Variants in SCCPDH observed in about 807,000 individuals in gnomAD.
SCCPDH encodes saccharopine dehydrogenase (putative), also known as saccharopine dehydrogenase-like oxidoreductase.
In SCCPDH, 34 loss-of-function variants were observed where a neutral mutation model predicts 51.5. The ratio of observed to expected loss-of-function variants is 0.66; its 90% confidence interval spans 0.50 to 0.88. The LOEUF (loss-of-function observed/expected upper bound fraction) is 0.88. Ranked by LOEUF, SCCPDH falls within the 40% of genes least tolerant of loss-of-function variation. The probability of loss-of-function intolerance (pLI) is 0.00; values close to 1 mark genes in which losing one functional copy is unlikely to be tolerated. For missense variants in SCCPDH, 464 were observed against 527.1 expected (o/e 0.88, Z 1.17); for synonymous variants, 187 against 191.3 (o/e 0.98, Z 0.19).
chr1:246,767,666 C>T lies in SCCPDH; in HGVS notation c.*366C>T, dbSNP rs538161005. ...CATCGTTACTGTCGGGCAGTAACTGCCGCTTGCCTTGCCGCAGTAGGAGGG... is the reference window on the plus strand; with the variant it reads ...CATCGTTACTGTCGGGCAGTAACTGTCGCTTGCCTTGCCGCAGTAGGAGGG... On this transcript the variant is annotated 3_prime_UTR_variant, in exon 12 of 12. Transcript: ENST00000366510. The T allele has an allele frequency of 6.4e-6, 1 of 155,674 alleles. No homozygotes were observed. The highest frequency in any genetic ancestry group is 2.1e-4 in the South Asian group (1 of 4,874). 9.6% of individuals were successfully genotyped at this position (155,674 alleles called of 1,614,324 possible). A position where few individuals can be genotyped will look rare whatever the true frequency, so the allele number is the denominator to read the frequency against.
Position 246,764,250 on chromosome 1 carries a change from A to C in SCCPDH, c.995A>C (p.Asp332Ala). 1 of 1,610,014 alleles carries C rather than the reference A, an allele frequency of 6.2e-7. No individual in the cohort carries two copies. Among genetic ancestry groups the C allele is most frequent in the Non-Finnish European group, 8.5e-7 (1 of 1,176,640 alleles). Residue 332 changes from aspartate (D) to alanine (A), a missense_variant, in exon 10 of 12, where the codon GAT becomes GCT. Transcript: ENST00000366510. ...SKQGPTQKQI[D>A]AASFTLTFFG... ...CCTTTGCCTTCTCCTTCACAGATTG[A>C]TGCTGCCTCATTCACGCTGACATTC...
intron 3 of SCCPDH, among the ~76,000 whole-genome samples, chr1:246,736,919 A>G (rs1668600756): frequency 2.0e-5 from 3 of 152,278 alleles, no homozygotes; most frequent in Admixed American, 1.3e-4. Context: ...GAGGAAATTA[A>G]AGCTTAGGAA....
At chr1:246,763,738 T>TA (rs1330833398) in intron 9 of SCCPDH, among the ~76,000 whole-genome samples, 1 of 152,206 alleles carries the variant, frequency 6.6e-6, no homozygotes, top group Admixed American at 6.5e-5. Flanking sequence ...CCTTAGTTGA[T>TA]ACTTCATAAA....
intron 4 of SCCPDH, among the ~76,000 whole-genome samples, chr1:246,742,496 C>T (rs774024166): frequency 3.3e-5 from 5 of 152,172 alleles, no homozygotes; most frequent in Non-Finnish European, 5.9e-5. Context: ...TGTTCTTCTG[C>T]GGATCGGGTT....
intron 2 of SCCPDH, among the ~76,000 whole-genome samples, chr1:246,730,853 G>A (rs1668481216): frequency 6.6e-6 from 1 of 152,142 alleles, no homozygotes; most frequent in African/African-American, 2.4e-5. Flanking sequence ...GAGGTCGGGA[G>A]TTTGAGACCA....
intron 2 of SCCPDH, among the ~76,000 whole-genome samples, chr1:246,727,968 T>C (rs1353090047): frequency 6.6e-6 from 1 of 152,196 alleles, no homozygotes; most frequent in Admixed American, 6.5e-5. Flanking sequence ...GGAAGTTCTT[T>C]GGCTTCTGAG....
chr1:246,754,052 T>C (rs1572303574), intron 5 of SCCPDH, among the ~76,000 whole-genome samples: 1 of 152,098 alleles, frequency 6.6e-6, no homozygotes, highest in African/African-American at 2.4e-5. Context: ...GGGTCCTGGT[T>C]AGGCCCCATC....
At chr1:246,744,006 T>C in intron 4 of SCCPDH, 70 bp from the exon 5 acceptor site, 1 of 933,158 alleles carries the variant, frequency 1.1e-6, no homozygotes, top group Non-Finnish European at 1.7e-6. Context: ...ACGCATTGTT[T>C]ATTATTACTT....
chr1:246,734,454 A>G (rs1668539499), intron 2 of SCCPDH, among the ~76,000 whole-genome samples: 1 of 152,338 alleles, frequency 6.6e-6, no homozygotes, highest in South Asian at 2.1e-4. Flanking sequence ...CTTGGGTCTT[A>G]CTGCCTTGAA....
At chr1:246,734,529 G>T (rs1668540033) in intron 2 of SCCPDH, among the ~76,000 whole-genome samples, 1 of 152,150 alleles carries the variant, frequency 6.6e-6, no homozygotes, top group Non-Finnish European at 1.5e-5. Context: ...CATGTGGTTT[G>T]TTAATGGGAG....
intron 2 of SCCPDH, among the ~76,000 whole-genome samples, chr1:246,732,568 A>G (rs767450513): frequency 2.0e-5 from 3 of 152,090 alleles, no homozygotes; most frequent in Non-Finnish European, 4.4e-5. Flanking sequence ...TTATATTTTT[A>G]GTCGAGACAG....
At chr1:246,763,368 G>C (rs765934726) in intron 9 of SCCPDH, among the ~76,000 whole-genome samples, 8 of 152,198 alleles carry the variant, frequency 5.3e-5, no homozygotes, top group Non-Finnish European at 1.2e-4. Context: ...GATGGGACAG[G>C]TGTGGCATGT....
intron 9 of SCCPDH, among the ~76,000 whole-genome samples, chr1:246,762,737 A>G (rs1341037623): frequency 6.7e-6 from 1 of 150,370 alleles, no homozygotes; most frequent in African/African-American, 2.4e-5. Context: ...GCTACTCAGG[A>G]GGCTGAGGCA....
chr1:246,759,304 C>T (rs1203840066), intron 7 of SCCPDH, among the ~76,000 whole-genome samples, 153 bp downstream of exon 7: 4 of 152,100 alleles, frequency 2.6e-5, no homozygotes, highest in Non-Finnish European at 5.9e-5. Flanking sequence ...TAGGGTAGAA[C>T]ATTTTGTATT....
At position 246,724,543 on chromosome 1, in the gene SCCPDH, C is replaced by T. The variant is rs1466864810; in HGVS notation, c.121C>T (p.Pro41Ser). 6.5e-7 allele frequency: 1 copy of T among 1,549,230 alleles called. No homozygotes were observed. Among genetic ancestry groups the T allele is most frequent in the Admixed American group, 2.0e-5 (1 of 50,476 alleles). Residue 41 changes from proline to serine, a missense_variant, in exon 1 of 12, where the codon CCC becomes TCC. Transcript: ENST00000366510. Reference protein sequence around the residue: ...QVDPERSSRLPWAVAGRSREK... With the variant: ...QVDPERSSRLSWAVAGRSREK... Reference sequence around the variant, plus strand: ...GGACCCGGAGCGGAGCTCCCGCCTGCCCTGGGCCGTGGCGGGCCGCTCCCG... The same window carrying T: ...GGACCCGGAGCGGAGCTCCCGCCTGTCCTGGGCCGTGGCGGGCCGCTCCCG...
At chr1:246,725,121 G>C (rs1469293493) in intron 1 of SCCPDH, among the ~76,000 whole-genome samples, 1 of 152,124 alleles carries the variant, frequency 6.6e-6, no homozygotes, top group African/African-American at 2.4e-5. Flanking sequence ...TTCTGTTTTA[G>C]TTTCTTGTTT....
chr1:246,766,822 A>G (rs1399523883), intron 11 of SCCPDH, among the ~76,000 whole-genome samples: 1 of 152,210 alleles, frequency 6.6e-6, no homozygotes, highest in African/African-American at 2.4e-5. Context: ...TTACACTTTC[A>G]TAATAATTGA....
At chr1:246,731,929 G>T (rs1296312152) in intron 2 of SCCPDH, among the ~76,000 whole-genome samples, 1 of 137,274 alleles carries the variant, frequency 7.3e-6, no homozygotes, top group Non-Finnish European at 1.5e-5. Flanking sequence ...TGTTCTCATT[G>T]TTCAGTTCCC....
At chr1:246,759,329 T>C (rs1668979519) in intron 7 of SCCPDH, among the ~76,000 whole-genome samples, 178 bp downstream of exon 7, 1 of 152,214 alleles carries the variant, frequency 6.6e-6, no homozygotes, top group South Asian at 2.1e-4. Flanking sequence ...AACCTTGTCT[T>C]TTGATTCAGA....
Sources: gnomAD v4.1 joint callset for allele counts (sites outside exome capture counted in the v4.1 genomes callset) on GRCh38, gnomAD v4.1.1 for gene constraint, MANE v1.5 for transcripts, NCBI Gene and HGNC (gene_info 2026-07-23, HGNC 2026-07-21) for gene names.